Variants in CCBE1 observed in about 807,000 individuals in gnomAD.
CCBE1 encodes the protein collagen and calcium-binding EGF domain-containing protein 1.
Under a neutral mutation model 50.0 loss-of-function variants are expected in CCBE1, and 37 were observed. That is an observed-to-expected ratio of 0.74 (90% CI 0.57 to 0.97). CCBE1 has a LOEUF of 0.97. CCBE1 is among the 50% of genes least tolerant of loss of function. The pLI is 0.00. For missense variants in CCBE1, 538 were observed against 523.8 expected (o/e 1.03, Z -0.26); for synonymous variants, 234 against 203.7 (o/e 1.15, Z -1.27).
chr18:59,634,388 G>A (rs1237163482), intron 2 of CCBE1, among the ~76,000 whole-genome samples: 1 of 152,188 alleles, frequency 6.6e-6, no homozygotes, highest in South Asian at 2.1e-4. Context: ...CATGACCTGC[G>A]ATCCCTAAAG....
intron 3 of CCBE1, among the ~76,000 whole-genome samples, chr18:59,471,873 C>G (rs891346971): frequency 1.3e-5 from 2 of 152,228 alleles, no homozygotes; most frequent in African/African-American, 4.8e-5. Context: ...CACTAGCAGA[C>G]TGTTTCAATA....
rs1041588531 is a variant in CCBE1, at chr18:59,473,381, T to C, written c.266-3774A>G. The stretch of plus-strand genomic sequence containing the variant: ...GCTTTTGTATGAATCACATCTTTTT[T>C]CCTCCCTAAAAATTTTTAGGACTTA... On this transcript the variant is annotated intron_variant, in intron 3 of 10. Transcript: ENST00000439986. Among the ~76,000 whole-genome samples the C allele has an allele frequency of 3.3e-5, 5 of 152,146 alleles. No homozygotes were observed. In the East Asian group the frequency reaches 5.8e-4, roughly 18 times the overall value.
chr18:59,665,436 G>A (rs773751882), intron 2 of CCBE1, among the ~76,000 whole-genome samples: 9 of 152,186 alleles, frequency 5.9e-5, no homozygotes, highest in East Asian at 3.8e-4. Context: ...AAAAATAAGT[G>A]TTGGGTAATC....
intron 3 of CCBE1, among the ~76,000 whole-genome samples, chr18:59,476,148 C>T (rs1284749399): frequency 6.6e-6 from 1 of 152,188 alleles, no homozygotes; most frequent in Admixed American, 6.5e-5. Context: ...ATCCTGGGTT[C>T]TTTATGCCTC....
In CCBE1 at chr18:59,448,020, T is replaced by G. The variant is rs201437351; in HGVS notation, c.738A>C (p.Pro246=). The change falls in exon 7 of 11, where the codon CCA becomes CCC. Residue 246 remains proline (P), a synonymous_variant. Transcript: ENST00000439986. ...GGCCCCCAGGCAGGCCAGGAGGTCC[T>G]GGAAGGTAGGTGTTTGAGGCCAGCA... ...DKVLASNTYL[P]GPPGLPGGQG... 6.2e-7 allele frequency: 1 copy of G among 1,614,092 alleles called. No homozygotes were observed. Among genetic ancestry groups the G allele is most frequent in the Admixed American group, 1.7e-5 (1 of 60,004 alleles).
chr18:59,439,413 G>T, intron 9 of CCBE1, 130 bp downstream of exon 9: 1 of 1,140,482 alleles, frequency 8.8e-7, no homozygotes, highest in Non-Finnish European at 1.3e-6. Flanking sequence ...GCTGTAATGA[G>T]CCAAGATTGT....
chr18:59,488,280 G>C (rs1912919044), intron 2 of CCBE1, among the ~76,000 whole-genome samples: 1 of 152,154 alleles, frequency 6.6e-6, no homozygotes, highest in African/African-American at 2.4e-5. Flanking sequence ...GATGGATGCA[G>C]AACAATGTGA....
intron 2 of CCBE1, among the ~76,000 whole-genome samples, chr18:59,519,496 G>A (rs1914509682): frequency 7.0e-6 from 1 of 141,988 alleles, no homozygotes; most frequent in Non-Finnish European, 1.6e-5. Context: ...GCTTTCCAGA[G>A]TCTTTGTTTT....
intron 3 of CCBE1, among the ~76,000 whole-genome samples, chr18:59,479,282 T>C (rs1391955222): frequency 6.6e-6 from 1 of 152,198 alleles, no homozygotes; most frequent in African/African-American, 2.4e-5. Flanking sequence ...AGCCCTCTAC[T>C]TTCTACTTGT....
chr18:59,533,174 C>T lies in CCBE1; in HGVS notation c.213-52936G>A, dbSNP rs532045105. ...TCTTTAGAAACAAAACAAAGTAGAT[C>T]GCAACTAGAAATCACATTTATTCTG... On this transcript the variant is annotated intron_variant, in intron 2 of 10. Transcript: ENST00000439986. Among the ~76,000 whole-genome samples, 7 of 152,152 alleles carry T rather than the reference C, an allele frequency of 4.6e-5. No homozygotes were observed. In the South Asian group the frequency reaches 1.0e-3, roughly 23 times the overall value.
chr18:59,543,834 C>CAAAA (rs10678902), intron 2 of CCBE1, among the ~76,000 whole-genome samples: 30 of 68,934 alleles, frequency 4.4e-4, no homozygotes, highest in Admixed American at 5.9e-4. Context: ...GACTCCGTCT[C>CAAAA]AAAAAAAAAA....
At chr18:59,536,504 G>A (rs1915254681) in intron 2 of CCBE1, among the ~76,000 whole-genome samples, 1 of 152,226 alleles carries the variant, frequency 6.6e-6, no homozygotes, top group South Asian at 2.1e-4. Flanking sequence ...CAAAGGAAGA[G>A]AAGGTTGTCT....
At chr18:59,667,659 C>G (rs1599118585) in intron 2 of CCBE1, among the ~76,000 whole-genome samples, 3 of 152,326 alleles carry the variant, frequency 2.0e-5, no homozygotes. Context: ...TCTCTCCCCT[C>G]ATCCCCTGAT....
chr18:59,597,286 A>T (rs1344581976), intron 2 of CCBE1, among the ~76,000 whole-genome samples: 1 of 152,256 alleles, frequency 6.6e-6, no homozygotes, highest in Non-Finnish European at 1.5e-5. Flanking sequence ...AAGCACTTTG[A>T]ATGCCTGGGC....
At position 59,694,723 on chromosome 18, in the gene CCBE1, G is replaced by GATA. The variant is rs2054782111; in HGVS notation, c.212+1905_212+1906insTAT. Among the ~76,000 whole-genome samples, 3 of 152,176 alleles carry GATA rather than the reference G, an allele frequency of 2.0e-5. No individual in the cohort carries two copies. The East Asian group carries it at 5.8e-4, about 29-fold the overall frequency. ...AGGAAAATAATATCCTCTATTCTTG[G>GATA]GATTCAAGAAGAGTAGATTATAGAA... is the stretch of plus-strand genomic sequence containing the variant. On this transcript the variant is annotated intron_variant, in intron 2 of 10. Coordinates refer to ENST00000439986, the MANE Select transcript of CCBE1 (RefSeq NM_133459.4).
intron 2 of CCBE1, among the ~76,000 whole-genome samples, chr18:59,517,730 C>G (rs1236230123): frequency 1.3e-5 from 2 of 151,990 alleles, no homozygotes; most frequent in African/African-American, 4.8e-5. Context: ...CACAAAGCAG[C>G]AAGTTTTCAG....
At chr18:59,520,462 T>C (rs368292636) in intron 2 of CCBE1, among the ~76,000 whole-genome samples, 1 of 152,220 alleles carries the variant, frequency 6.6e-6, no homozygotes, top group Non-Finnish European at 1.5e-5. Flanking sequence ...CCTCTTTGAT[T>C]TGACAATGAA....
intron 2 of CCBE1, among the ~76,000 whole-genome samples, chr18:59,627,384 G>A (rs1167149503): frequency 6.6e-6 from 1 of 152,158 alleles, no homozygotes; most frequent in African/African-American, 2.4e-5. Context: ...TACTTCCTTA[G>A]TTTATACCAC....
At chr18:59,530,055 G>A (rs8096073) in intron 2 of CCBE1, among the ~76,000 whole-genome samples, 51,120 of 151,966 alleles carry the variant, frequency 0.34, 8,860 homozygotes, top group African/African-American at 0.37. Context: ...TTTCTATGAC[G>A]TTCCCAGGTG....
Sources: allele counts gnomAD v4.1 joint callset (sites outside exome capture counted in the v4.1 genomes callset), GRCh38; gene constraint gnomAD v4.1.1; transcripts MANE v1.5; gene names NCBI Gene and HGNC (gene_info 2026-07-23, HGNC 2026-07-21).